The following UTP20 variants were observed in gnomAD, a reference collection of about 807,000 sequenced individuals.
The protein encoded by UTP20 is UTP20 small subunit processome component, also known as small subunit processome component 20 homolog.
In UTP20, 164 loss-of-function variants were observed where a neutral mutation model predicts 329.5. That is an observed-to-expected ratio of 0.50 (90% confidence interval 0.44 to 0.57). The LOEUF (loss-of-function observed/expected upper bound fraction) is 0.57. Ranked by LOEUF, UTP20 falls within the 20% of genes least tolerant of loss-of-function variation. The pLI is 0.00. For missense variants in UTP20, 3,055 were observed against 3,284.2 expected, an observed-to-expected ratio of 0.93 and a Z score of 1.71; for synonymous variants, 1,151 against 1,159.3, an observed-to-expected ratio of 0.99 and a Z score of 0.14.
chr12:101,301,350 C>T (rs1255294173), intron 14 of UTP20, among the ~76,000 whole-genome samples: 1 of 151,474 alleles, frequency 6.6e-6, no homozygotes, highest in Non-Finnish European at 1.5e-5. Context: ...TGAGAGCCCC[C>T]CCCGCCCAAC....
chr12:101,345,635 C>T lies in UTP20; in HGVS notation c.4687C>T (p.Gln1563Ter). The change falls in exon 37 of 62, where the codon CAA (glutamine) becomes TAA (stop). Residue 1563 changes from glutamine to a stop codon, truncating the protein, a stop_gained. Coordinates refer to ENST00000261637, the MANE Select transcript of UTP20 (RefSeq NM_014503.3). LOFTEE classifies it high-confidence loss of function. ...PNQLEFKDLV[Q>*]LTHYHDPEMD... Reference sequence around the variant, plus strand: ...CCAACTGGAATTCAAAGACTTGGTACAACTTACTCATTACCATGACCCAGA... The same window carrying T: ...CCAACTGGAATTCAAAGACTTGGTATAACTTACTCATTACCATGACCCAGA... 1 of 1,613,168 alleles carries T rather than the reference C, an allele frequency of 6.2e-7. No homozygotes were observed. The highest frequency in any genetic ancestry group is 8.5e-7 in the Non-Finnish European group (1 of 1,179,502).
Position 101,364,035 on chromosome 12 carries a change from G to A in UTP20, c.5958+292G>A, listed in dbSNP as rs144759337. On this transcript the variant is annotated intron_variant, in intron 45 of 61. Transcript: ENST00000261637. The stretch of plus-strand genomic sequence containing the variant: ...GAAGAAATCCAGAGGCACACAAGCC[G>A]CATAGTGCTTATCTTTGAGGTTGAG... Among the ~76,000 whole-genome samples the A allele has an allele frequency of 1.6e-4, 24 of 152,286 alleles. No homozygotes were observed. In the East Asian group the frequency reaches 4.4e-3, roughly 28 times the overall value.
At chr12:101,329,167 T>A in intron 26 of UTP20, 74 bp from the exon 27 acceptor site, 1 of 1,319,320 alleles carries the variant, frequency 7.6e-7, no homozygotes, top group Non-Finnish European at 1.1e-6. Context: ...GAAATGGAAA[T>A]AAAACTACAA....
intron 51 of UTP20, among the ~76,000 whole-genome samples, 173 bp from the exon 52 acceptor site, chr12:101,372,711 C>A (rs997090771): frequency 2.6e-5 from 4 of 152,198 alleles, no homozygotes; most frequent in African/African-American, 9.6e-5. Flanking sequence ...AATGAAGGGT[C>A]ACAGTTGCTA....
intron 4 of UTP20, 45 bp from the exon 5 acceptor site, chr12:101,286,275 CT>C: frequency 1.3e-6 from 2 of 1,499,424 alleles, no homozygotes; most frequent in Admixed American, 4.3e-5. Flanking sequence ...GATTTGTAGC[CT>C]TTTAAAAAAA....
At chr12:101,368,467 C>T (rs1870172503) in intron 48 of UTP20, among the ~76,000 whole-genome samples, 1 of 152,030 alleles carries the variant, frequency 6.6e-6, no homozygotes, top group Non-Finnish European at 1.5e-5. Context: ...TTTATGACAT[C>T]GTGAACCACC....
rs971545433 is a variant in UTP20 at position 101,383,491 on chromosome 12, T to C, written c.7930-52T>C. The C allele has an allele frequency of 1.9e-6, 3 of 1,591,644 alleles. No homozygotes were observed. The African/African-American group carries it at 4.0e-5, about 21-fold the overall frequency. On this transcript the variant is annotated intron_variant, in intron 59 of 61. Coordinates refer to ENST00000261637, the MANE Select transcript of UTP20 (RefSeq NM_014503.3). ...TTCTCAATTAATGCTGTGTCTATGA[T>C]TGAGTGCTAAAGAGAAGTCTTTCAA...
At chr12:101,294,321 T>A (rs1256405370) in intron 11 of UTP20, among the ~76,000 whole-genome samples, 3 of 152,112 alleles carry the variant, frequency 2.0e-5, no homozygotes, top group Admixed American at 6.5e-5. Flanking sequence ...TACTTTATAC[T>A]TTTAAATCAT....
At position 101,338,821 on chromosome 12, in the gene UTP20, A is replaced by C; in HGVS notation, c.3877A>C (p.Thr1293Pro). Residue 1293 changes from threonine (T) to proline (P), a missense_variant, in exon 31 of 62, where the codon ACA (threonine) becomes CCA (proline). By Grantham distance (38) the Thr-to-Pro change is conservative (BLOSUM62 -1). Transcript: ENST00000261637. ...ATCACTATCTATTTCAGAGTCTATC[A>C]CAATAGGAGGAAGATTAATTCTACC... ...GIAENIGESI[T>P]IGGRLILPHV... is the part of the protein sequence containing the mutation. 6.2e-7 allele frequency: 1 copy of C among 1,604,086 alleles called. No individual in the cohort carries two copies. Among genetic ancestry groups the C allele is most frequent in the Non-Finnish European group, 8.5e-7 (1 of 1,177,524 alleles).
intron 15 of UTP20, 54 bp downstream of exon 15, chr12:101,302,607 A>C (rs1407663534): frequency 2.5e-6 from 3 of 1,203,296 alleles, no homozygotes; most frequent in Non-Finnish European, 3.5e-6. Flanking sequence ...AAAAGCCTCT[A>C]TTGTTGTGAA....
At chr12:101,361,651 A>G (rs1010554913) in intron 43 of UTP20, among the ~76,000 whole-genome samples, 1 of 124,082 alleles carries the variant, frequency 8.1e-6, no homozygotes, top group Admixed American at 8.9e-5. Flanking sequence ...AAATAAATAA[A>G]TAAATAAATA....
chr12:101,347,542 G>A (rs970520460), intron 38 of UTP20, among the ~76,000 whole-genome samples: 1 of 151,940 alleles, frequency 6.6e-6, no homozygotes, highest in African/African-American at 2.4e-5. Flanking sequence ...TTTAATGAAA[G>A]GTGGTATTAA....
chr12:101,372,777 T>C (rs961376189), intron 51 of UTP20, 107 bp from the exon 52 acceptor site: 1 of 823,910 alleles, frequency 1.2e-6, no homozygotes, highest in Non-Finnish European at 2.0e-6. Flanking sequence ...TTGATTGCCA[T>C]TCTGTAAAGT....
intron 38 of UTP20, among the ~76,000 whole-genome samples, chr12:101,349,195 T>A (rs1869435540): frequency 6.6e-6 from 1 of 152,028 alleles, no homozygotes; most frequent in Admixed American, 6.6e-5. Context: ...TTTTTGTTGT[T>A]ATTGTATGGC....
At chr12:101,340,937 C>CTTTTTTT (rs71091488) in intron 32 of UTP20, among the ~76,000 whole-genome samples, 17 of 83,016 alleles carry the variant, frequency 2.0e-4, no homozygotes, top group Admixed American at 4.6e-4. Flanking sequence ...ATTGTGTAAT[C>CTTTTTTT]TTTTTTTTTT....
Position 101,352,130 on chromosome 12 carries a change from T to C in UTP20, c.4960T>C (p.Tyr1654His). 6.2e-7 allele frequency: 1 copy of C among 1,613,952 alleles called. No individual in the cohort carries two copies. Among genetic ancestry groups the C allele is most frequent in the South Asian group, 1.1e-5 (1 of 90,956 alleles). ...CKHLSWSAYM[Y>H]YLKHFIHVLQ... is the part of the protein sequence containing the mutation. Reference sequence around the variant, plus strand: ...ACATCTCTCTTGGTCAGCGTATATGTATTACTTGAAACATTTCATTCATGT... The same window carrying C: ...ACATCTCTCTTGGTCAGCGTATATGCATTACTTGAAACATTTCATTCATGT... The change falls in exon 39 of 62, where the codon TAT (tyrosine) becomes CAT (histidine). Residue 1654 changes from tyrosine to histidine, a missense_variant. By Grantham distance (83) the Tyr-to-His change is moderately conservative. Around this residue, in one of 3 missense-constraint regions of UTP20, gnomAD observed 2,445 missense variants for 2,575.5 expected, o/e 0.95. Coordinates refer to ENST00000261637, the MANE Select transcript of UTP20 (RefSeq NM_014503.3).
At chr12:101,295,357 A>G (rs1017732572) in intron 11 of UTP20, 123 bp from the exon 12 acceptor site, 2 of 839,882 alleles carry the variant, frequency 2.4e-6, no homozygotes, top group Non-Finnish European at 3.6e-6. Context: ...CATTGTTCCT[A>G]TGTAGAGGTC....
Position 101,374,868 on chromosome 12 carries a change from G to T in UTP20, c.7192G>T (p.Asp2398Tyr). 6.4e-7 allele frequency: 1 copy of T among 1,563,448 alleles called. No homozygotes were observed. Among genetic ancestry groups the T allele is most frequent in the South Asian group, 1.1e-5 (1 of 90,038 alleles). ...CGLFVESEGV[D>Y]FEKRLGTVLP... ...CTTGTTTGTGGAAAGTGAAGGAGTTGATTTTGAGAAAAGACTTGGAACTGT... is the reference window on the plus strand; with the variant it reads ...CTTGTTTGTGGAAAGTGAAGGAGTTTATTTTGAGAAAAGACTTGGAACTGT... Residue 2398 changes from aspartate (D) to tyrosine (Y), a missense_variant, in exon 55 of 62, where the codon GAT becomes TAT. Around this residue, in one of 3 missense-constraint regions of UTP20, gnomAD observed 273 missense variants for 363.1 expected, o/e 0.75. Coordinates refer to ENST00000261637, the MANE Select transcript of UTP20 (RefSeq NM_014503.3).
chr12:101,369,910 C>A lies in UTP20; in HGVS notation c.6555+19C>A. 1 of 1,610,434 alleles carries A rather than the reference C, an allele frequency of 6.2e-7. No individual in the cohort carries two copies. Among genetic ancestry groups the A allele is most frequent in the East Asian group, 2.2e-5 (1 of 44,876 alleles). On this transcript the variant is annotated intron_variant, in intron 49 of 61. Coordinates refer to ENST00000261637, the MANE Select transcript of UTP20 (RefSeq NM_014503.3). The stretch of plus-strand genomic sequence containing the variant: ...TTTCAAGGTGAGATGTCTTCACTTG[C>A]CCTTGGAAAAAGCCAGGATGGAGCT...
Sources: gnomAD v4.1 joint callset for allele counts (sites outside exome capture counted in the v4.1 genomes callset) on GRCh38, gnomAD v4.1.1 for gene constraint, gnomAD v4.1.1 regional missense constraint, MANE v1.5 for transcripts, NCBI Gene and HGNC (gene_info 2026-07-23, HGNC 2026-07-21) for gene names.